PCP4L1: variants seen among roughly 807,000 people sequenced by gnomAD.
PCP4L1 encodes Purkinje cell protein 4 like 1, also known as Purkinje cell protein 4-like protein 1.
Under a neutral mutation model 9.6 loss-of-function variants are expected in PCP4L1, and 9 were observed. That is an observed-to-expected ratio of 0.94 (90% CI 0.57 to 1.64). PCP4L1 has a LOEUF of 1.64. PCP4L1 is among the 40% of genes most tolerant of loss of function. PCP4L1 has a pLI of 0.00. For synonymous variants in PCP4L1, 31 were observed against 28.2 expected (o/e 1.10, Z -0.31); for missense variants, 81 against 80.8 (o/e 1.00, Z -0.01).
At chr1:161,275,254 C>T (rs1669679480) in intron 1 of PCP4L1, among the ~76,000 whole-genome samples, 1 of 152,062 alleles carries the variant, frequency 6.6e-6, no homozygotes, top group Non-Finnish European at 1.5e-5. Context: ...TGGTGGCTCA[C>T]GTCTGTAATC....
intron 1 of PCP4L1, among the ~76,000 whole-genome samples, chr1:161,267,279 A>T (rs1056346538): frequency 3.9e-5 from 6 of 152,214 alleles, no homozygotes; most frequent in Non-Finnish European, 7.3e-5. Context: ...AAATGTGTTT[A>T]TAATGTGTTT....
chr1:161,277,289 G>A (rs948942362), intron 1 of PCP4L1, among the ~76,000 whole-genome samples: 55 of 152,268 alleles, frequency 3.6e-4, no homozygotes, highest in African/African-American at 1.1e-3. Context: ...TAACATATTA[G>A]CATATTTGTG....
intron 1 of PCP4L1, among the ~76,000 whole-genome samples, chr1:161,264,084 A>AT (rs1295392120): frequency 6.7e-5 from 10 of 148,460 alleles, no homozygotes; most frequent in South Asian, 2.1e-4. Context: ...TAATTTTTGT[A>AT]TTTTTTTTAG....
At chr1:161,283,789 G>A (rs1490866290) in intron 2 of PCP4L1, 67 bp downstream of exon 2, 3 of 1,476,312 alleles carry the variant, frequency 2.0e-6, no homozygotes, top group Non-Finnish European at 2.8e-6. Context: ...CAAGTAGGGT[G>A]AGTCTGGAAT....
intron 1 of PCP4L1, among the ~76,000 whole-genome samples, chr1:161,281,643 G>A (rs1353524983): frequency 3.3e-5 from 5 of 150,476 alleles, no homozygotes; most frequent in Admixed American, 6.6e-5. Context: ...GGTGGCTGCC[G>A]GGCAGAGATG....
At chr1:161,279,899 G>C (rs1669765394) in intron 1 of PCP4L1, among the ~76,000 whole-genome samples, 1 of 152,040 alleles carries the variant, frequency 6.6e-6, no homozygotes, top group Non-Finnish European at 1.5e-5. Context: ...GAACTCCTGG[G>C]CTCAAGGGAT....
chr1:161,272,186 C>CTT (rs11365328), intron 1 of PCP4L1, among the ~76,000 whole-genome samples: 8,308 of 145,324 alleles, frequency 0.057, 270 homozygotes, highest in Non-Finnish European at 0.073. Context: ...GGGGTAATCC[C>CTT]TTTTTTTTTT....
At chr1:161,267,671 G>A (rs917770949) in intron 1 of PCP4L1, among the ~76,000 whole-genome samples, 6 of 151,988 alleles carry the variant, frequency 3.9e-5, no homozygotes, top group Non-Finnish European at 5.9e-5. Flanking sequence ...AGTTGCTACC[G>A]TTTTGAATGT....
chr1:161,263,242 TG>T (rs1185460720), intron 1 of PCP4L1, among the ~76,000 whole-genome samples: 1 of 127,282 alleles, frequency 7.9e-6, no homozygotes, highest in Non-Finnish European at 1.8e-5. Context: ...TTTTTGTTTT[TG>T]TTTTTTTTTG....
intron 1 of PCP4L1, among the ~76,000 whole-genome samples, chr1:161,271,339 G>A (rs1483290217): frequency 6.6e-6 from 1 of 152,082 alleles, no homozygotes; most frequent in Non-Finnish European, 1.5e-5. Context: ...TGTCATCCAT[G>A]TATCTTCTTT....
At chr1:161,262,682 G>T (rs1401428515) in intron 1 of PCP4L1, among the ~76,000 whole-genome samples, 3 of 152,122 alleles carry the variant, frequency 2.0e-5, no homozygotes, top group Non-Finnish European at 4.4e-5. Flanking sequence ...CATCTTTATA[G>T]GGTCAGGCAG....
intron 1 of PCP4L1, among the ~76,000 whole-genome samples, chr1:161,268,101 A>G (rs78806365): frequency 0.055 from 8,443 of 152,282 alleles, 330 homozygotes; most frequent in Middle Eastern, 0.082. Flanking sequence ...CAAGGAGTAT[A>G]GTTTGTTGAC....
chr1:161,274,519 T>C (rs1389225126), intron 1 of PCP4L1, among the ~76,000 whole-genome samples: 1 of 152,234 alleles, frequency 6.6e-6, no homozygotes, highest in Admixed American at 6.5e-5. Flanking sequence ...CTAGAGTATG[T>C]GGTCTCTGGT....
intron 1 of PCP4L1, among the ~76,000 whole-genome samples, chr1:161,272,222 A>ATTTCTTTT (rs1669635266): frequency 7.4e-6 from 1 of 135,856 alleles, no homozygotes; most frequent in Non-Finnish European, 1.6e-5. Flanking sequence ...CTAGATCCTG[A>ATTTCTTTT]TTTCTTTTTT....
Position 161,284,463 on chromosome 1 carries a change from A to C in PCP4L1, c.189A>C (p.Lys63Asn). Reference protein sequence around the residue: ...QGKFRRFQKRKKDPSS With the variant: ...QGKFRRFQKRNKDPSS ...AGTTCCGGCGATTTCAGAAAAGGAA[A>C]AAGGATCCCAGCTCCTGAATGGCCA... Residue 63 changes from lysine (K) to asparagine (N), a missense_variant, in exon 3 of 3, where the codon AAA (lysine) becomes AAC (asparagine). By Grantham distance (94) the Lys-to-Asn change is moderately conservative. Coordinates refer to ENST00000504449, the MANE Select transcript of PCP4L1 (RefSeq NM_001102566.2). 1 of 1,613,666 alleles carries C rather than the reference A, an allele frequency of 6.2e-7. No individual in the cohort carries two copies. Among genetic ancestry groups the C allele is most frequent in the Non-Finnish European group, 8.5e-7 (1 of 1,179,760 alleles).
At chr1:161,265,385 C>T (rs995217088) in intron 1 of PCP4L1, among the ~76,000 whole-genome samples, 9 of 152,068 alleles carry the variant, frequency 5.9e-5, no homozygotes, top group African/African-American at 2.2e-4. Flanking sequence ...AAAAAATTAG[C>T]CAGATATGGT....
chr1:161,267,473 A>G (rs1030524918), intron 1 of PCP4L1, among the ~76,000 whole-genome samples: 8 of 152,134 alleles, frequency 5.3e-5, no homozygotes, highest in African/African-American at 1.7e-4. Flanking sequence ...GTTCTAACTC[A>G]CTGCTTGGAG....
At chr1:161,280,230 T>C (rs1357029134) in intron 1 of PCP4L1, among the ~76,000 whole-genome samples, 1 of 152,166 alleles carries the variant, frequency 6.6e-6, no homozygotes, top group Non-Finnish European at 1.5e-5. Context: ...AGGGAGACCC[T>C]CCAAATGTTC....
intron 1 of PCP4L1, among the ~76,000 whole-genome samples, chr1:161,260,632 G>A (rs375581180): frequency 1.3e-5 from 2 of 152,286 alleles, no homozygotes; most frequent in East Asian, 3.9e-4. Context: ...ACAGGGGCTG[G>A]CATTTAGAGT....
Sources: gnomAD v4.1 joint callset for allele counts (sites outside exome capture counted in the v4.1 genomes callset) on GRCh38, gnomAD v4.1.1 for gene constraint, MANE v1.5 for transcripts, NCBI Gene and HGNC (gene_info 2026-07-23, HGNC 2026-07-21) for gene names.